DLGAP1: variants seen among roughly 807,000 people sequenced by gnomAD.
DLGAP1 encodes DLG associated protein 1, also known as disks large-associated protein 1.
A neutral mutation model predicts 90.8 loss-of-function variants in DLGAP1; 11 were observed. The observed-to-expected ratio is 0.12, with a 90% CI of 0.08 to 0.20. DLGAP1 has a LOEUF of 0.20. Among genes scored for constraint, DLGAP1 ranks in the 10% least tolerant of loss-of-function variants. The probability of loss-of-function intolerance (pLI) is 1.00; values close to 1 mark genes in which losing one functional copy is unlikely to be tolerated. For synonymous variants in DLGAP1, 558 were observed against 540.7 expected, an observed-to-expected ratio of 1.03 and a Z score of -0.44; for missense variants, 1,050 against 1,333.8, an observed-to-expected ratio of 0.79 and a Z score of 3.31.
intron 7 of DLGAP1, among the ~76,000 whole-genome samples, chr18:3,587,395 T>C (rs1260174529): frequency 4.6e-5 from 7 of 152,040 alleles, no homozygotes; most frequent in Admixed American, 4.6e-4. Context: ...CTGGGTCGAG[T>C]GGGGACTTGG....
chr18:3,838,739 A>G (rs892980818), intron 4 of DLGAP1, among the ~76,000 whole-genome samples: 2 of 152,248 alleles, frequency 1.3e-5, no homozygotes, highest in Non-Finnish European at 2.9e-5. Context: ...ATCCATTTAT[A>G]AATTTTGCAT....
rs1218494941 is a variant in DLGAP1, at chr18:4,411,387, T to C, written c.-267+43619A>G. On this transcript the variant is annotated intron_variant, in intron 1 of 12. Coordinates refer to ENST00000315677, the MANE Select transcript of DLGAP1 (RefSeq NM_004746.4). ...TGGAGGATACAACATCATGGCTGTTTGCAAGGTTTGGGTGGACTCATAATT... is the reference window on the plus strand; with the variant it reads ...TGGAGGATACAACATCATGGCTGTTCGCAAGGTTTGGGTGGACTCATAATT... Among the ~76,000 whole-genome samples, 7 of 152,300 alleles carry C rather than the reference T, an allele frequency of 4.6e-5. No homozygotes were observed. The East Asian group carries it at 1.3e-3, about 29-fold the overall frequency.
intron 1 of DLGAP1, among the ~76,000 whole-genome samples, chr18:4,373,477 C>T (rs573791359): frequency 1.3e-5 from 2 of 152,144 alleles, no homozygotes; most frequent in South Asian, 2.1e-4. Flanking sequence ...AAATGTAACT[C>T]GGCCATCTCA....
rs137876202 is a variant in DLGAP1 at position 3,784,274 on chromosome 18, C to T, written c.1172+29785G>A. 5.9e-5 allele frequency among the ~76,000 whole-genome samples: 9 copies of T among 152,242 alleles called. No individual in the cohort carries two copies. The East Asian group carries it at 1.7e-3, about 29-fold the overall frequency. ...TTGGCCTGTTTAGGCGCACAAGGCA[C>T]CTCATCTCGGCTGCTTCTTTCTTGG... On this transcript the variant is annotated intron_variant, in intron 5 of 12. Transcript: ENST00000315677.
chr18:3,937,442 T>C (rs986531704), intron 3 of DLGAP1, among the ~76,000 whole-genome samples: 2 of 152,142 alleles, frequency 1.3e-5, no homozygotes, highest in Admixed American at 6.5e-5. Flanking sequence ...ACTTGTTCAC[T>C]ACCATGAGAA....
chr18:3,845,742 C>CACTTACCA, intron 4 of DLGAP1: 1 of 366,450 alleles, frequency 2.7e-6, no homozygotes. Flanking sequence ...GCCTGATTGT[C>CACTTACCA]TGACTAGTGA....
intron 7 of DLGAP1, among the ~76,000 whole-genome samples, chr18:3,664,699 G>T (rs138862734): frequency 6.6e-6 from 1 of 152,078 alleles, no homozygotes; most frequent in Non-Finnish European, 1.5e-5. Flanking sequence ...TTTGATTGAC[G>T]CTAGTCTCTA....
chr18:3,797,280 C>T (rs1259102447), intron 5 of DLGAP1, among the ~76,000 whole-genome samples: 6 of 151,378 alleles, frequency 4.0e-5, no homozygotes, highest in South Asian at 2.1e-4. Context: ...GAGCCGGGAT[C>T]GCGCCACTGC....
intron 2 of DLGAP1, among the ~76,000 whole-genome samples, chr18:4,064,030 G>A (rs1419298426): frequency 6.6e-6 from 1 of 151,980 alleles, no homozygotes; most frequent in Non-Finnish European, 1.5e-5. Flanking sequence ...CACCTGGCAT[G>A]TCCTCCTGGA....
At chr18:4,362,801 G>C (rs569490542) in intron 1 of DLGAP1, among the ~76,000 whole-genome samples, 2 of 152,104 alleles carry the variant, frequency 1.3e-5, no homozygotes, top group Admixed American at 1.3e-4. Context: ...AACAATTTCA[G>C]GACTCTGAAA....
At chr18:3,748,716 G>A (rs1015297076) in intron 5 of DLGAP1, among the ~76,000 whole-genome samples, 1 of 152,170 alleles carries the variant, frequency 6.6e-6, no homozygotes. Context: ...CTTAAACTGA[G>A]AGGCTTTGAT....
intron 7 of DLGAP1, among the ~76,000 whole-genome samples, chr18:3,654,269 C>T (rs1037688258): frequency 3.9e-5 from 6 of 152,136 alleles, no homozygotes; most frequent in Non-Finnish European, 7.4e-5. Flanking sequence ...GCCGGACTAG[C>T]CCCAAGCAGT....
At chr18:4,019,025 A>T (rs1035079719) in intron 2 of DLGAP1, among the ~76,000 whole-genome samples, 1 of 152,320 alleles carries the variant, frequency 6.6e-6, no homozygotes, top group African/African-American at 2.4e-5. Flanking sequence ...CATTGACTGA[A>T]TTTTTTCAAA....
intron 2 of DLGAP1, among the ~76,000 whole-genome samples, chr18:4,025,271 A>T (rs2074681037): frequency 6.6e-6 from 1 of 152,144 alleles, no homozygotes; most frequent in African/African-American, 2.4e-5. Context: ...CTGCTATTAC[A>T]GGTTGAGTAT....
At chr18:3,920,475 C>T (rs2072245817) in intron 3 of DLGAP1, among the ~76,000 whole-genome samples, 1 of 152,150 alleles carries the variant, frequency 6.6e-6, no homozygotes, top group Non-Finnish European at 1.5e-5. Context: ...TTCCTACCTC[C>T]CCTCTGCTGC....
chr18:3,964,681 C>T (rs575262565), intron 3 of DLGAP1, among the ~76,000 whole-genome samples: 9 of 152,234 alleles, frequency 5.9e-5, no homozygotes, highest in African/African-American at 2.2e-4. Flanking sequence ...CTTCTATACA[C>T]GAAGGCCTAA....
rs1185865382 is a variant in DLGAP1, at chr18:3,727,424, G to GAGTGAGCC, written c.1591+1703_1591+1710dup. The stretch of plus-strand genomic sequence containing the variant: ...GCAACACCGTTTCCTGAGGCGGAAG[G>GAGTGAGCC]AGTGAGCCACCAGCCCTTTCCTTCC... On this transcript the variant is annotated intron_variant, in intron 7 of 12. Coordinates refer to ENST00000315677, the MANE Select transcript of DLGAP1 (RefSeq NM_004746.4). The surrounding 1 kb of genome is among the most constrained non-coding windows in gnomAD (Gnocchi z 4.7). Among the ~76,000 whole-genome samples the GAGTGAGCC allele has an allele frequency of 2.6e-5, 4 of 152,306 alleles. No homozygotes were observed. Among genetic ancestry groups the GAGTGAGCC allele is most frequent in the South Asian group, 4.1e-4 (2 of 4,826 alleles).
intron 8 of DLGAP1, among the ~76,000 whole-genome samples, chr18:3,574,612 T>G (rs963213627): frequency 1.3e-5 from 2 of 152,096 alleles, no homozygotes; most frequent in African/African-American, 4.8e-5. Context: ...GGTTCATTAG[T>G]TTTGACTGGA....
Position 3,872,815 on chromosome 18 carries a change from T to A in DLGAP1, c.957+6297A>T, listed in dbSNP as rs184983804. 6.2e-4 allele frequency among the ~76,000 whole-genome samples: 94 copies of A among 152,304 alleles called. 1 individual carries two copies. The highest frequency in any genetic ancestry group is 2.2e-3 in the African/African-American group (91 of 41,570). ...TTAATTTGCAATCAAGCAAACTGTC[T>A]TCTGAGGAGAATGGAAAAAGGGGAA... is the stretch of plus-strand genomic sequence containing the variant. On this transcript the variant is annotated intron_variant, in intron 4 of 12. Coordinates refer to ENST00000315677, the MANE Select transcript of DLGAP1 (RefSeq NM_004746.4).
Sources: gnomAD v4.1 joint callset for allele counts (sites outside exome capture counted in the v4.1 genomes callset) on GRCh38, gnomAD v4.1.1 for gene constraint, Gnocchi (gnomAD v3.1) non-coding constraint, MANE v1.5 for transcripts, NCBI Gene and HGNC (gene_info 2026-07-23, HGNC 2026-07-21) for gene names.